Variants in ROBO1 observed in about 807,000 individuals in gnomAD.
The protein encoded by ROBO1 is roundabout guidance receptor 1, also known as roundabout homolog 1.
Under a neutral mutation model 195.9 loss-of-function variants are expected in ROBO1, and 149 were observed. The observed-to-expected ratio is 0.76, with a 90% CI of 0.67 to 0.87. The LOEUF (loss-of-function observed/expected upper bound fraction) is 0.87, where lower values mean the gene tolerates loss of function less well. Ranked by LOEUF, ROBO1 falls within the 40% of genes least tolerant of loss-of-function variation. The probability of loss-of-function intolerance (pLI) is 0.00; values close to 1 mark genes in which losing one functional copy is unlikely to be tolerated. For synonymous variants in ROBO1, 816 were observed against 733.2 expected (o/e 1.11, Z -1.82); for missense variants, 1,933 against 2,068.3 (o/e 0.93, Z 1.27).
intron 2 of ROBO1, among the ~76,000 whole-genome samples, chr3:79,507,695 T>C (rs1940476906): frequency 6.6e-6 from 1 of 152,294 alleles, no homozygotes; most frequent in South Asian, 2.1e-4. Flanking sequence ...GCTGGCGGTG[T>C]CATGGACTCA....
chr3:78,996,789 C>T (rs904380865), intron 3 of ROBO1, among the ~76,000 whole-genome samples: 1 of 152,022 alleles, frequency 6.6e-6, no homozygotes, highest in African/African-American at 2.4e-5. Flanking sequence ...TAAATTGCTA[C>T]AAATATTGTT....
chr3:78,789,536 A>G (rs528357016), intron 4 of ROBO1, among the ~76,000 whole-genome samples: 1 of 152,300 alleles, frequency 6.6e-6, no homozygotes, highest in East Asian at 1.9e-4. Flanking sequence ...AATATAAATG[A>G]TAAGTGTCAT....
chr3:78,625,242 A>G (rs1313974243), intron 26 of ROBO1, among the ~76,000 whole-genome samples: 3 of 152,352 alleles, frequency 2.0e-5, no homozygotes, highest in Middle Eastern at 3.4e-3. Flanking sequence ...ATTTTGGATT[A>G]AAGTGACTTC....
At chr3:78,613,883 T>C (rs563230240) in intron 28 of ROBO1, among the ~76,000 whole-genome samples, 3 of 152,304 alleles carry the variant, frequency 2.0e-5, no homozygotes, top group South Asian at 2.1e-4. Flanking sequence ...GGGGGAACTA[T>C]GCCTGTAACA....
chr3:78,689,791 C>T (rs374158557), intron 8 of ROBO1, among the ~76,000 whole-genome samples: 10 of 151,772 alleles, frequency 6.6e-5, no homozygotes, highest in Non-Finnish European at 1.5e-4. Context: ...TTTAAAAGTA[C>T]GTTGAGTTAC....
chr3:79,673,228 A>G (rs573204598), intron 1 of ROBO1, among the ~76,000 whole-genome samples: 30 of 152,108 alleles, frequency 2.0e-4, no homozygotes, highest in Non-Finnish European at 2.4e-4. Flanking sequence ...AGATTTAACA[A>G]TTAGTGATAA....
In ROBO1 at chr3:78,658,865, AC is replaced by A. The variant is rs201334523; in HGVS notation, c.2442+820del. 6.6e-3 allele frequency among the ~76,000 whole-genome samples: 1,002 copies of A among 152,270 alleles called. 8 individuals are homozygous for A. Among genetic ancestry groups the A allele is most frequent in the Non-Finnish European group, 9.9e-3 (676 of 68,008 alleles). On this transcript the variant is annotated intron_variant, in intron 17 of 30. Coordinates refer to ENST00000464233, the MANE Select transcript of ROBO1 (RefSeq NM_002941.4). ...AATCCCATTTACATTATACAGCTGA[AC>A]CAAAGCCACAAACTGATTTTGTACC...
rs143362102 is a variant in ROBO1, at chr3:79,338,499, C to T, written c.89-212960G>A. ...CAGATTCAGAGTCACTTCTATAGTT[C>T]GTAATTGTGGCTTAGCTTTTAGTTC... On this transcript the variant is annotated intron_variant, in intron 2 of 30. Coordinates refer to ENST00000464233, the MANE Select transcript of ROBO1 (RefSeq NM_002941.4). Among the ~76,000 whole-genome samples the T allele has an allele frequency of 5.1e-4, 77 of 152,224 alleles. No homozygotes were observed. In the East Asian group the frequency reaches 0.014, roughly 28 times the overall value.
chr3:78,988,367 A>G (rs1404598655), intron 3 of ROBO1, among the ~76,000 whole-genome samples: 1 of 152,152 alleles, frequency 6.6e-6, no homozygotes, highest in African/African-American at 2.4e-5. Context: ...ATTAGCAAAA[A>G]TTCAAATTGA....
intron 3 of ROBO1, among the ~76,000 whole-genome samples, chr3:79,095,218 G>C (rs1212765834): frequency 6.6e-6 from 1 of 151,964 alleles, no homozygotes; most frequent in Non-Finnish European, 1.5e-5. Flanking sequence ...TCATTCAAGA[G>C]GTGTTGCTCA....
At chr3:79,395,434 T>C (rs1281580271) in intron 2 of ROBO1, among the ~76,000 whole-genome samples, 2 of 151,978 alleles carry the variant, frequency 1.3e-5, no homozygotes, top group African/African-American at 2.4e-5. Flanking sequence ...TAGGTCTTCA[T>C]ATTTTTAGGA....
At chr3:79,699,918 G>T (rs1265673107) in intron 1 of ROBO1, among the ~76,000 whole-genome samples, 1 of 151,544 alleles carries the variant, frequency 6.6e-6, no homozygotes, top group African/African-American at 2.4e-5. Flanking sequence ...CAGGTTTGGG[G>T]TACAAATGAT....
rs147896466 is a variant in ROBO1, at chr3:79,267,127, T to A, written c.89-141588A>T. Reference sequence around the variant, plus strand: ...ATTGTAAAAATCAGTTTATTAGTCATACAAGACATATTTCAAGAGCTTGAA... The same window carrying A: ...ATTGTAAAAATCAGTTTATTAGTCAAACAAGACATATTTCAAGAGCTTGAA... On this transcript the variant is annotated intron_variant, in intron 2 of 30. Coordinates refer to ENST00000464233, the MANE Select transcript of ROBO1 (RefSeq NM_002941.4). Among the ~76,000 whole-genome samples the A allele has an allele frequency of 1.4e-4, 21 of 151,606 alleles. 1 individual carries two copies. The East Asian group carries it at 4.1e-3, about 29-fold the overall frequency.
At chr3:79,370,628 A>G (rs1577032308) in intron 2 of ROBO1, among the ~76,000 whole-genome samples, 2 of 150,980 alleles carry the variant, frequency 1.3e-5, no homozygotes, top group East Asian at 3.9e-4. Context: ...GGGTGTTATG[A>G]TGTAAGTTAT....
intron 2 of ROBO1, among the ~76,000 whole-genome samples, chr3:79,463,406 C>CAAAAAAAA (rs1327569033): frequency 1.3e-5 from 2 of 149,476 alleles, no homozygotes; most frequent in Non-Finnish European, 3.0e-5. Context: ...AAACAAAAAA[C>CAAAAAAAA]AAAAAACCAC....
chr3:78,599,205 TA>T (rs1703023690), intron 30 of ROBO1, among the ~76,000 whole-genome samples: 1 of 152,094 alleles, frequency 6.6e-6, no homozygotes, highest in Non-Finnish European at 1.5e-5. Context: ...TTGAGTTATC[TA>T]ATCCCCTCAG....
chr3:79,651,590 C>T lies in ROBO1; in HGVS notation c.-50-61629G>A, dbSNP rs565497580. Among the ~76,000 whole-genome samples, 6 of 152,244 alleles carry T rather than the reference C, an allele frequency of 3.9e-5. No individual in the cohort carries two copies. The East Asian group carries it at 7.8e-4, about 20-fold the overall frequency. On this transcript the variant is annotated intron_variant, in intron 1 of 30. Transcript: ENST00000464233. ...ATTTGCAGAACTCAGCGGTGCATGA[C>T]GCAGTCAGCAACCTCTTAGCCTTAG...
intron 2 of ROBO1, among the ~76,000 whole-genome samples, chr3:79,230,110 C>T (rs2082293936): frequency 6.6e-6 from 1 of 152,024 alleles, no homozygotes; most frequent in Non-Finnish European, 1.5e-5. Flanking sequence ...TTTTCCCACT[C>T]CCCTCCAATC....
intron 14 of ROBO1, among the ~76,000 whole-genome samples, chr3:78,663,800 T>C (rs892310658): frequency 8.5e-5 from 13 of 152,084 alleles, no homozygotes; most frequent in Non-Finnish European, 1.9e-4. Flanking sequence ...TAAACATAGG[T>C]TCAATTAAAA....
Sources: allele counts gnomAD v4.1 joint callset (sites outside exome capture counted in the v4.1 genomes callset), GRCh38; gene constraint gnomAD v4.1.1; transcripts MANE v1.5; gene names NCBI Gene and HGNC (gene_info 2026-07-23, HGNC 2026-07-21).